Variants in LUZP2 observed in about 807,000 individuals in gnomAD.
The protein encoded by LUZP2 is leucine zipper protein 2.
Under a neutral mutation model 51.6 loss-of-function variants are expected in LUZP2, and 52 were observed. The ratio of observed to expected loss-of-function variants is 1.01; its 90% CI spans 0.81 to 1.27. LUZP2 has a LOEUF of 1.27. Among genes scored for constraint, LUZP2 ranks in the 50% most tolerant of loss-of-function variants. The pLI, the probability that LUZP2 is intolerant of heterozygous loss-of-function variation, is 0.00. For missense variants in LUZP2, 436 were observed against 395.4 expected (o/e 1.10, Z -0.87); for synonymous variants, 154 against 137.3 (o/e 1.12, Z -0.85).
At chr11:24,937,137 G>A (rs997420227) in intron 7 of LUZP2, among the ~76,000 whole-genome samples, 3 of 152,040 alleles carry the variant, frequency 2.0e-5, no homozygotes, top group Admixed American at 6.5e-5. Context: ...AAGGGACAAA[G>A]AAAAGCAATT....
chr11:24,844,891 A>G (rs1253943610), intron 5 of LUZP2, among the ~76,000 whole-genome samples: 1 of 152,186 alleles, frequency 6.6e-6, no homozygotes, highest in Non-Finnish European at 1.5e-5. Flanking sequence ...TACATTTCAG[A>G]TGTATGGAAA....
At chr11:24,525,572 G>C (rs1361523739) in intron 1 of LUZP2, among the ~76,000 whole-genome samples, 1 of 151,464 alleles carries the variant, frequency 6.6e-6, no homozygotes, top group African/African-American at 2.4e-5. Flanking sequence ...ATGTGATGCA[G>C]AGAAATTGGA....
chr11:24,512,443 G>A (rs1213602751), intron 1 of LUZP2, among the ~76,000 whole-genome samples: 3 of 151,942 alleles, frequency 2.0e-5, no homozygotes, highest in South Asian at 4.1e-4. Context: ...ATAATAATAC[G>A]TTACATATTT....
At position 24,602,156 on chromosome 11, in the gene LUZP2, A is replaced by ATATG. The variant is rs1270758818; in HGVS notation, c.62+104852_62+104853insATGT. Among the ~76,000 whole-genome samples, 911 of 121,592 alleles carry ATATG rather than the reference A, an allele frequency of 7.5e-3. 22 individuals carry two copies. Among genetic ancestry groups the ATATG allele is most frequent in the African/African-American group, 0.028 (859 of 30,396 alleles). 79.8% of individuals were successfully genotyped at this position (121,592 alleles called of 152,430 possible). A position where few individuals can be genotyped will look rare whatever the true frequency, so the allele number is the denominator to read the frequency against. ...TGTGTATATATGTATATATGTATAT[A>ATATG]TGTATATATGTGTATATATATGTGT... On this transcript the variant is annotated intron_variant, in intron 1 of 11. Coordinates refer to ENST00000336930, the MANE Select transcript of LUZP2 (RefSeq NM_001009909.4).
intron 1 of LUZP2, among the ~76,000 whole-genome samples, chr11:24,700,658 T>C (rs1158230055): frequency 1.3e-5 from 2 of 152,082 alleles, no homozygotes; most frequent in Admixed American, 1.3e-4. Flanking sequence ...ATTTTGTTTT[T>C]TGTGAAGCTG....
At chr11:25,038,086 ATAT>A (rs1857920070) in intron 9 of LUZP2, among the ~76,000 whole-genome samples, 1 of 151,938 alleles carries the variant, frequency 6.6e-6, no homozygotes, top group African/African-American at 2.4e-5. Flanking sequence ...TTTTATATTA[ATAT>A]TATTAAACAT....
rs1302939149 is a variant in LUZP2, at chr11:24,833,702, C to CCG, written c.396+70404_396+70405dup. Among the ~76,000 whole-genome samples the CCG allele has an allele frequency of 4.7e-3, 611 of 129,904 alleles. 4 individuals are homozygous for CCG. The highest frequency in any genetic ancestry group is 0.02 in the Middle Eastern group (5 of 250). The allele number at this position is 129,904 out of a possible 152,430, so 85.2% of individuals were successfully genotyped here. A position where few individuals can be genotyped will look rare whatever the true frequency, so the allele number is the denominator to read the frequency against. On this transcript the variant is annotated intron_variant, in intron 5 of 11. Transcript: ENST00000336930. ...CACGTCACGTCCCCCACGCCTGCCA[C>CCG]CGCGCGCGCGCACACACACACACAC...
rs552829548 is a variant in LUZP2 at position 24,917,949 on chromosome 11, G to A, written c.522+3411G>A. 6.6e-5 allele frequency among the ~76,000 whole-genome samples: 10 copies of A among 152,110 alleles called. No homozygotes were observed. The South Asian group carries it at 2.1e-3, about 32-fold the overall frequency. ...GCAGTATGGCCATTTTCATGATATTGATTCTTCCTACCCATGAGCATGGAA... is the reference window on the plus strand; with the variant it reads ...GCAGTATGGCCATTTTCATGATATTAATTCTTCCTACCCATGAGCATGGAA... On this transcript the variant is annotated intron_variant, in intron 7 of 11. Transcript: ENST00000336930.
chr11:24,925,057 T>C (rs2133822433), intron 7 of LUZP2, among the ~76,000 whole-genome samples: 1 of 152,320 alleles, frequency 6.6e-6, no homozygotes, highest in East Asian at 1.9e-4. Context: ...ATAGATTTTT[T>C]CCCACAATAG....
At chr11:24,903,559 G>T (rs903341828) in intron 5 of LUZP2, among the ~76,000 whole-genome samples, 1 of 152,086 alleles carries the variant, frequency 6.6e-6, no homozygotes, top group Non-Finnish European at 1.5e-5. Flanking sequence ...TGTTCATTTT[G>T]CTCCTGGTGC....
intron 9 of LUZP2, among the ~76,000 whole-genome samples, chr11:25,025,998 T>C (rs894191171): frequency 2.6e-5 from 4 of 152,034 alleles, no homozygotes; most frequent in African/African-American, 7.2e-5. Context: ...TGTAGGGACA[T>C]GGATGAAGCT....
intron 1 of LUZP2, among the ~76,000 whole-genome samples, chr11:24,549,311 G>A (rs1210632987): frequency 2.6e-5 from 4 of 152,162 alleles, no homozygotes; most frequent in South Asian, 2.1e-4. Context: ...GCATCTTTAC[G>A]TCTTGTCCTA....
At chr11:24,801,701 G>A (rs1849701709) in intron 5 of LUZP2, among the ~76,000 whole-genome samples, 1 of 151,208 alleles carries the variant, frequency 6.6e-6, no homozygotes, top group Non-Finnish European at 1.5e-5. Context: ...TTATCATTTA[G>A]ACAATAATAG....
intron 1 of LUZP2, among the ~76,000 whole-genome samples, chr11:24,557,850 T>G (rs188928046): frequency 6.6e-6 from 1 of 152,252 alleles, no homozygotes. Context: ...AAAACACTAT[T>G]ATGCTTGATT....
intron 1 of LUZP2, among the ~76,000 whole-genome samples, chr11:24,565,404 A>G (rs1053450118): frequency 2.0e-5 from 3 of 152,178 alleles, no homozygotes; most frequent in Non-Finnish European, 2.9e-5. Flanking sequence ...CTATGAGCAT[A>G]TAAGGGACGT....
At chr11:24,984,363 A>G (rs1856125568) in intron 9 of LUZP2, among the ~76,000 whole-genome samples, 1 of 151,088 alleles carries the variant, frequency 6.6e-6, no homozygotes, top group South Asian at 2.1e-4. Context: ...ATCTTCTGAT[A>G]TACTGTTTTT....
intron 1 of LUZP2, among the ~76,000 whole-genome samples, chr11:24,602,279 T>TAC (rs1491384746): frequency 1.4e-5 from 2 of 140,590 alleles, no homozygotes; most frequent in Non-Finnish European, 3.0e-5. Flanking sequence ...CATACATATA[T>TAC]ACACACATAT....
chr11:25,032,663 AG>A (rs1857724707), intron 9 of LUZP2, among the ~76,000 whole-genome samples: 1 of 152,138 alleles, frequency 6.6e-6, no homozygotes, highest in African/African-American at 2.4e-5. Context: ...CTGGGCAAAT[AG>A]CATTGATAAA....
intron 5 of LUZP2, among the ~76,000 whole-genome samples, chr11:24,816,853 T>C (rs2134148581): frequency 6.6e-6 from 1 of 152,228 alleles, no homozygotes; most frequent in East Asian, 1.9e-4. Context: ...CACATTCTTT[T>C]TCTGGGCGGT....
Sources: allele counts gnomAD v4.1 joint callset (sites outside exome capture counted in the v4.1 genomes callset), GRCh38; gene constraint gnomAD v4.1.1; transcripts MANE v1.5; gene names NCBI Gene and HGNC (gene_info 2026-07-23, HGNC 2026-07-21).